MRNIP: variants seen among roughly 807,000 people sequenced by gnomAD.
MRNIP encodes the protein MRN complex-interacting protein.
Under a neutral mutation model 29.8 loss-of-function variants are expected in MRNIP, and 30 were observed. The observed-to-expected ratio is 1.01, with a 90% CI of 0.75 to 1.36. The LOEUF is 1.36. Among genes scored for constraint, MRNIP ranks in the 40% most tolerant of loss-of-function variants. The pLI is 0.00. For synonymous variants in MRNIP, 201 were observed against 164.1 expected, an observed-to-expected ratio of 1.23 and a Z score of -1.72; for missense variants, 459 against 423.5, an observed-to-expected ratio of 1.08 and a Z score of -0.74.
intron 4 of MRNIP, among the ~76,000 whole-genome samples, chr5:179,843,236 G>C (rs1358327433): frequency 6.6e-6 from 1 of 151,958 alleles, no homozygotes; most frequent in African/African-American, 2.4e-5. Flanking sequence ...CTCCAGCCTG[G>C]GTGACAGAGA....
At chr5:179,858,412 A>G (rs1324462929) in intron 1 of MRNIP, among the ~76,000 whole-genome samples, 1 of 151,750 alleles carries the variant, frequency 6.6e-6, no homozygotes, top group East Asian at 2.0e-4. Flanking sequence ...TCCCCCTCTC[A>G]CTGAAACTGC....
At position 179,840,921 on chromosome 5, in the gene MRNIP, C is replaced by G. The variant is rs762508486; in HGVS notation, c.488G>C (p.Arg163Pro). The G allele has an allele frequency of 3.7e-6, 6 of 1,609,846 alleles. No homozygotes were observed. Among genetic ancestry groups the G allele is most frequent in the Non-Finnish European group, 5.1e-6 (6 of 1,177,544 alleles). The change falls in exon 6 of 7, where the codon CGT (arginine) becomes CCT (proline). Residue 163 changes from arginine to proline, a missense_variant. Transcript: ENST00000292586. Reference protein sequence around the residue: ...SRSTVQPPCSRGVQDSGGSEV... With the variant: ...SRSTVQPPCSPGVQDSGGSEV... ...AGAGCCACCCGAGTCCTGCACGCCA[C>G]GGCTGCACGGAGGCTGGACGGTGCT...
Position 179,858,804 on chromosome 5 carries a change from T to A in MRNIP, c.-8A>T. 1 of 1,539,112 alleles carries A rather than the reference T, an allele frequency of 6.5e-7. No individual in the cohort carries two copies. Among genetic ancestry groups the A allele is most frequent in the Non-Finnish European group, 8.7e-7 (1 of 1,143,750 alleles). On this transcript the variant is annotated 5_prime_UTR_variant, in exon 1 of 7. Transcript: ENST00000292586. ...ACGCTGAAGCGACGCCATCCCTGCT[T>A]GTGCAGTCGCCAGGCAGCCAAGCGC... is the stretch of plus-strand genomic sequence containing the variant.
Position 179,837,698 on chromosome 5 carries a change from A to C in MRNIP, c.725T>G (p.Val242Gly), listed in dbSNP as rs867515164. Reference sequence around the variant, plus strand: ...AAGAGACCTTGGCTGCTCACTGTCCACATGTGAACTTTTTCTAGGTGGCAG... The same window carrying C: ...AAGAGACCTTGGCTGCTCACTGTCCCCATGTGAACTTTTTCTAGGTGGCAG... ...FVLPPRKSSHVDSEQPRSLQR... is the reference protein window; with the variant it reads ...FVLPPRKSSHGDSEQPRSLQR... The change falls in exon 7 of 7, where the codon GTG becomes GGG. Residue 242 changes from valine to glycine, a missense_variant. Val to Gly is a moderately radical substitution (Grantham distance 109). Coordinates refer to ENST00000292586, the MANE Select transcript of MRNIP (RefSeq NM_016175.4). 2.5e-6 allele frequency: 4 copies of C among 1,614,224 alleles called. No individual in the cohort carries two copies. In the African/African-American group the frequency reaches 5.3e-5, roughly 22 times the overall value.
rs58952171 is a variant in MRNIP, at chr5:179,842,699, CAAAAAAAAAAAAAAAAAAAA to C, written c.292-655_292-636del. On this transcript the variant is annotated intron_variant, in intron 4 of 6. Coordinates refer to ENST00000292586, the MANE Select transcript of MRNIP (RefSeq NM_016175.4). ...TGGGGGGCAGAGCGAGACTCCGTCT[CAAAAAAAAAAAAAAAAAAAA>C]AAAAAAAAAAAGAACAGAGGGGTGG... 7.9e-4 allele frequency among the ~76,000 whole-genome samples: 23 copies of C among 28,998 alleles called. No individual in the cohort carries two copies. The East Asian group carries it at 0.024, about 30-fold the overall frequency. 19.0% of individuals were successfully genotyped at this position (28,998 alleles called of 152,430 possible).
Position 179,844,169 on chromosome 5 carries a change from C to A in MRNIP, c.274G>T (p.Gly92Trp). 1 of 1,614,176 alleles carries A rather than the reference C, an allele frequency of 6.2e-7. No homozygotes were observed. ...AGGCTTACCTGCTGCTTCACATTCCCAGCCTGCTGGTGTCCCACGTTTTCT... is the reference window on the plus strand; with the variant it reads ...AGGCTTACCTGCTGCTTCACATTCCAAGCCTGCTGGTGTCCCACGTTTTCT... ...EEENVGHQQA[G>W]NVKQQEKSQP... Residue 92 changes from glycine to tryptophan, a missense_variant, in exon 4 of 7, where the codon GGG (glycine) becomes TGG (tryptophan). Physicochemically the swap from Gly to Trp is radical, Grantham distance 184. Coordinates refer to ENST00000292586, the MANE Select transcript of MRNIP (RefSeq NM_016175.4).
At chr5:179,841,853 G>A in intron 5 of MRNIP, 54 bp downstream of exon 5, 2 of 1,580,064 alleles carry the variant, frequency 1.3e-6, no homozygotes, top group Admixed American at 1.8e-5. Flanking sequence ...GTGCCCCACT[G>A]CTGGAGGCAG....
intron 2 of MRNIP, 51 bp downstream of exon 2, chr5:179,853,326 AG>A (rs1192644902): frequency 1.9e-6 from 3 of 1,605,054 alleles, no homozygotes; most frequent in Non-Finnish European, 1.7e-6. Context: ...ACTCCCTGGA[AG>A]GGCTCGCTGC....
chr5:179,854,372 A>G (rs533933034), intron 1 of MRNIP, among the ~76,000 whole-genome samples: 1 of 152,362 alleles, frequency 6.6e-6, no homozygotes, highest in African/African-American at 2.4e-5. Context: ...AACAAACCAA[A>G]GCATGTGTAA....
At chr5:179,844,111 T>C (rs1420310139) in intron 4 of MRNIP, 41 bp downstream of exon 4, 2 of 1,559,578 alleles carry the variant, frequency 1.3e-6, no homozygotes. Flanking sequence ...ATCCCTTCCC[T>C]GACACAGAGC....
chr5:179,844,423 T>C (rs72813735), intron 3 of MRNIP, 196 bp from the exon 4 acceptor site: 5,583 of 499,414 alleles, frequency 0.011, 55 homozygotes, highest in African/African-American at 0.03. Context: ...CAGATAATGT[T>C]TGAACCCGGA....
At position 179,848,019 on chromosome 5, in the gene MRNIP, C is replaced by G. The variant is rs765392911; in HGVS notation, c.174G>C (p.Lys58Asn). Reference sequence around the variant, plus strand: ...AAACTTGTCCCTGTAGTAGATTTAACTTTTGGACATGGCGTCTACAATCAG... The same window carrying G: ...AAACTTGTCCCTGTAGTAGATTTAAGTTTTGGACATGGCGTCTACAATCAG... ...SGADCRRHVQ[K>N]LNLLQGQVSE... The change falls in exon 3 of 7, where the codon AAG (lysine) becomes AAC (asparagine). Residue 58 changes from lysine (K) to asparagine (N), a missense_variant. Lys to Asn is a moderately conservative substitution (Grantham distance 94). Transcript: ENST00000292586. 1.2e-6 allele frequency: 2 copies of G among 1,614,006 alleles called. No individual in the cohort carries two copies. Among genetic ancestry groups the G allele is most frequent in the Non-Finnish European group, 1.7e-6 (2 of 1,179,940 alleles).
At chr5:179,840,831 CAG>C in intron 6 of MRNIP, 39 bp downstream of exon 6, 1 of 1,311,144 alleles carries the variant, frequency 7.6e-7, no homozygotes, top group Non-Finnish European at 1.1e-6. Context: ...CACACACGCT[CAG>C]TGGTCACTGG....
chr5:179,853,830 T>A (rs1031268815), intron 1 of MRNIP, among the ~76,000 whole-genome samples: 6 of 152,062 alleles, frequency 3.9e-5, no homozygotes, highest in East Asian at 1.9e-4. Flanking sequence ...TTTTTTTTTT[T>A]AAATCCCAAG....
chr5:179,851,532 A>G (rs964093749), intron 2 of MRNIP: 3 of 435,790 alleles, frequency 6.9e-6, no homozygotes, highest in Non-Finnish European at 1.4e-5. Flanking sequence ...GCAGCTTTTC[A>G]GTTCTTGGGG....
chr5:179,847,703 A>G, intron 3 of MRNIP: 1 of 327,310 alleles, frequency 3.1e-6, no homozygotes, highest in Non-Finnish European at 5.6e-6. Context: ...GGCACAGAGC[A>G]ATGGCCTGCC....
At chr5:179,853,532 G>T (rs962385284) in intron 1 of MRNIP, 95 bp from the exon 2 acceptor site, 10 of 963,272 alleles carry the variant, frequency 1.0e-5, no homozygotes, top group Non-Finnish European at 1.6e-5. Context: ...ATCCCCCTTT[G>T]GGAGGCCGAG....
intron 4 of MRNIP, among the ~76,000 whole-genome samples, chr5:179,842,362 A>G (rs538375828): frequency 6.6e-6 from 1 of 152,200 alleles, no homozygotes; most frequent in East Asian, 1.9e-4. Context: ...TCCCAGTCTT[A>G]TAAAAAATAG....
chr5:179,838,161 G>A, intron 6 of MRNIP: 1 of 522,200 alleles, frequency 1.9e-6, no homozygotes, highest in East Asian at 3.2e-5. Flanking sequence ...GGGGACCTTA[G>A]AATCAGGTTA....
Sources: allele counts gnomAD v4.1 joint callset (sites outside exome capture counted in the v4.1 genomes callset), GRCh38; gene constraint gnomAD v4.1.1; transcripts MANE v1.5; gene names NCBI Gene and HGNC (gene_info 2026-07-23, HGNC 2026-07-21).